NEK1: variants seen among roughly 807,000 people sequenced by gnomAD.
NEK1 encodes the protein serine/threonine-protein kinase Nek1.
Under a neutral mutation model 182.1 loss-of-function variants are expected in NEK1, and 137 were observed. That is an observed-to-expected ratio of 0.75 (90% confidence interval 0.65 to 0.87). The LOEUF is 0.87. Ranked by LOEUF, NEK1 falls within the 40% of genes least tolerant of loss-of-function variation. NEK1 has a pLI of 0.00. For synonymous variants in NEK1, 513 were observed against 492.2 expected (o/e 1.04, Z -0.56); for missense variants, 1,391 against 1,494.4 (o/e 0.93, Z 1.14).
chr4:169,542,087 G>A (rs767658788), intron 18 of NEK1, among the ~76,000 whole-genome samples: 25 of 152,062 alleles, frequency 1.6e-4, no homozygotes, highest in Non-Finnish European at 2.4e-4. Flanking sequence ...AGGTTACATA[G>A]GTATACACAT....
At chr4:169,448,761 T>C (rs1309594990) in intron 27 of NEK1, among the ~76,000 whole-genome samples, 2 of 152,212 alleles carry the variant, frequency 1.3e-5, no homozygotes, top group East Asian at 3.9e-4. Context: ...GGGTGATTTC[T>C]GCATTTCCAA....
chr4:169,407,038 C>A (rs952321199), intron 31 of NEK1, among the ~76,000 whole-genome samples: 6 of 152,008 alleles, frequency 3.9e-5, no homozygotes, highest in Non-Finnish European at 7.4e-5. Flanking sequence ...TGGGTTTTAG[C>A]ACAGGAATTC....
At chr4:169,513,350 C>G (rs956555802) in intron 19 of NEK1, among the ~76,000 whole-genome samples, 1 of 151,082 alleles carries the variant, frequency 6.6e-6, no homozygotes, top group Non-Finnish European at 1.5e-5. Context: ...CTGTAAATGG[C>G]ATTACATTTT....
chr4:169,610,018 T>TC lies in NEK1; in HGVS notation c.-49+2001_-49+2002insG, dbSNP rs1378680402. 2.0e-5 allele frequency among the ~76,000 whole-genome samples: 3 copies of TC among 147,148 alleles called. No homozygotes were observed. The East Asian group carries it at 6.0e-4, about 29-fold the overall frequency. On this transcript the variant is annotated intron_variant, in intron 2 of 35. Transcript: ENST00000507142. ...TCCTCACATTTTACTAAGAATTTCT[T>TC]TTTTTTTTTTTTTTTCTGAGACAGA...
intron 23 of NEK1, among the ~76,000 whole-genome samples, chr4:169,504,274 T>A (rs1440123533): frequency 6.6e-6 from 1 of 152,156 alleles, no homozygotes; most frequent in East Asian, 1.9e-4. Context: ...ACTCGTACAC[T>A]GTTGGTAGGA....
intron 23 of NEK1, among the ~76,000 whole-genome samples, chr4:169,487,116 G>C (rs1749169734): frequency 6.6e-6 from 1 of 152,034 alleles, no homozygotes; most frequent in African/African-American, 2.4e-5. Context: ...ATAAAATTAG[G>C]TATATACTGC....
chr4:169,526,744 T>TA lies in NEK1; in HGVS notation c.1665+11064dup, dbSNP rs564838564. ...AATTGTTCAGGCTTATTTGATATTTTAAAATATCAGAAAACACATATTGGG... is the reference window on the plus strand; with the variant it reads ...AATTGTTCAGGCTTATTTGATATTTTAAAAATATCAGAAAACACATATTGGG... On this transcript the variant is annotated intron_variant, in intron 19 of 35. Coordinates refer to ENST00000507142, the MANE Select transcript of NEK1 (RefSeq NM_001199397.3). 1.6e-4 allele frequency among the ~76,000 whole-genome samples: 24 copies of TA among 152,324 alleles called. No homozygotes were observed. The South Asian group carries it at 5.0e-3, about 32-fold the overall frequency.
rs200643637 is a variant in NEK1, at chr4:169,477,183, C to T, written c.2375G>A (p.Gly792Asp). 1.6e-4 allele frequency: 260 copies of T among 1,608,710 alleles called. No individual in the cohort carries two copies. Among genetic ancestry groups the T allele is most frequent in the Non-Finnish European group, 2.2e-4 (256 of 1,177,318 alleles). ...SSDRKKWEAG[G>D]QLVIPLDELT... ...CTCATCCAGAGGAATCACAAGTTGA[C>T]CTCCTGCCTCCCACTTCTTGCGATC... Residue 792 changes from glycine to aspartate, a missense_variant, in exon 26 of 36, where the codon GGT becomes GAT. This residue lies in a region of NEK1 where 1,216 missense variants were observed against 1,277.6 expected (regional missense o/e 0.95). Coordinates refer to ENST00000507142, the MANE Select transcript of NEK1 (RefSeq NM_001199397.3).
intron 5 of NEK1, among the ~76,000 whole-genome samples, chr4:169,597,805 G>A (rs1769801454): frequency 6.6e-6 from 1 of 151,996 alleles, no homozygotes; most frequent in Admixed American, 6.6e-5. Context: ...GTGGTGGCAG[G>A]CGCCTGTAGT....
intron 23 of NEK1, among the ~76,000 whole-genome samples, chr4:169,499,876 G>A (rs575067156): frequency 2.0e-5 from 3 of 152,302 alleles, no homozygotes; most frequent in South Asian, 4.1e-4. Context: ...CAGTCTGTCC[G>A]TTCTCAGATC....
At chr4:169,494,411 T>C (rs1750747154) in intron 23 of NEK1, among the ~76,000 whole-genome samples, 1 of 152,234 alleles carries the variant, frequency 6.6e-6, no homozygotes, top group Non-Finnish European at 1.5e-5. Flanking sequence ...TCCATGCCCC[T>C]ACAAAGGACA....
rs557670392 is a variant in NEK1, at chr4:169,541,926, C to T, written c.1563-4015G>A. On this transcript the variant is annotated intron_variant, in intron 18 of 35. Transcript: ENST00000507142. ...TGACCGAAATGTGTCTTTATATTTCCACCCTGGGTCTAGTTCCTCTTTTAC... is the reference window on the plus strand; with the variant it reads ...TGACCGAAATGTGTCTTTATATTTCTACCCTGGGTCTAGTTCCTCTTTTAC... 8.0e-4 allele frequency among the ~76,000 whole-genome samples: 121 copies of T among 152,174 alleles called. 4 individuals are homozygous for T. In the South Asian group the frequency reaches 0.024, roughly 30 times the overall value.
intron 26 of NEK1, among the ~76,000 whole-genome samples, chr4:169,473,948 A>G (rs1746489778): frequency 6.6e-6 from 1 of 152,210 alleles, no homozygotes; most frequent in African/African-American, 2.4e-5. Context: ...GTAGAGGAAA[A>G]AGTCTGGTTG....
At chr4:169,457,035 C>A (rs961894870) in intron 27 of NEK1, among the ~76,000 whole-genome samples, 1 of 151,886 alleles carries the variant, frequency 6.6e-6, no homozygotes, top group Admixed American at 6.6e-5. Context: ...ATAAAGAGAG[C>A]AGAATGGTAG....
chr4:169,504,920 T>C (rs1752982119), intron 23 of NEK1, among the ~76,000 whole-genome samples: 1 of 152,154 alleles, frequency 6.6e-6, no homozygotes, highest in African/African-American at 2.4e-5. Context: ...CATGAGGTGA[T>C]AGATACCCAT....
At chr4:169,444,091 G>A (rs1740046039) in intron 27 of NEK1, among the ~76,000 whole-genome samples, 1 of 152,112 alleles carries the variant, frequency 6.6e-6, no homozygotes, top group East Asian at 1.9e-4. Context: ...CTAACACCAT[G>A]CAAGCACATT....
intron 27 of NEK1, among the ~76,000 whole-genome samples, chr4:169,453,588 A>C (rs564480416): frequency 5.2e-5 from 8 of 152,384 alleles, no homozygotes; most frequent in Admixed American, 1.3e-4. Context: ...CCCAGGGCAG[A>C]AAACTGTTCA....
intron 13 of NEK1, 110 bp from the exon 14 acceptor site, chr4:169,562,001 T>TAA (rs1554067816): frequency 1.1e-4 from 98 of 928,530 alleles, no homozygotes; most frequent in Non-Finnish European, 1.3e-4. Flanking sequence ...GGTTTTTTTT[T>TAA]TAAAAAAAAA....
At chr4:169,395,601 C>A (rs1420345060) in intron 35 of NEK1, among the ~76,000 whole-genome samples, 5 of 152,156 alleles carry the variant, frequency 3.3e-5, no homozygotes, top group African/African-American at 1.2e-4. Flanking sequence ...TCCAAGGTAA[C>A]ACTTATCACT....
Sources: gnomAD v4.1 joint callset for allele counts (sites outside exome capture counted in the v4.1 genomes callset) on GRCh38, gnomAD v4.1.1 for gene constraint, gnomAD v4.1.1 regional missense constraint, MANE v1.5 for transcripts, NCBI Gene and HGNC (gene_info 2026-07-23, HGNC 2026-07-21) for gene names.